The following PCDHGB5 variants were observed in gnomAD, a reference collection of about 807,000 sequenced individuals.
PCDHGB5 encodes the protein protocadherin gamma subfamily B, 5, also known as protocadherin gamma-B5.
PCDHGB5 carries 48 observed loss-of-function variants against 62.9 expected under a neutral mutation model. That is an observed-to-expected ratio of 0.76 (90% CI 0.61 to 0.97). PCDHGB5 has a LOEUF of 0.97. PCDHGB5 is among the 50% of genes least tolerant of loss of function. The pLI, the probability that PCDHGB5 is intolerant of heterozygous loss-of-function variation, is 0.00. For synonymous variants in PCDHGB5, 474 were observed against 511.2 expected, an observed-to-expected ratio of 0.93 and a Z score of 0.98; for missense variants, 1,118 against 1,198.6, an observed-to-expected ratio of 0.93 and a Z score of 0.99.
At chr5:141,401,255 T>C (rs56773894) in intron 1 of PCDHGB5, among the ~76,000 whole-genome samples, 18,026 of 152,078 alleles carry the variant, frequency 0.12, 1,226 homozygotes, top group African/African-American at 0.18. Flanking sequence ...GACAGGAGAA[T>C]TGCTTGAACC....
At chr5:141,456,599 A>T (rs2098870253) in intron 1 of PCDHGB5, among the ~76,000 whole-genome samples, 1 of 152,174 alleles carries the variant, frequency 6.6e-6, no homozygotes, top group African/African-American at 2.4e-5. Flanking sequence ...TTTTGATTTG[A>T]TTTTTAAGTC....
At chr5:141,497,956 C>T (rs2099780659) in intron 2 of PCDHGB5, among the ~76,000 whole-genome samples, 1 of 152,214 alleles carries the variant, frequency 6.6e-6, no homozygotes, top group African/African-American at 2.4e-5. Flanking sequence ...TTCTGTTGGC[C>T]AGGCAGTGTT....
rs138463062 is a variant in PCDHGB5 at position 141,485,217 on chromosome 5, C to G, written c.2398-9590C>G. 6.8e-6 allele frequency: 11 copies of G among 1,613,996 alleles called. No individual in the cohort carries two copies. Among genetic ancestry groups the G allele is most frequent in the Non-Finnish European group, 9.3e-6 (11 of 1,179,978 alleles). ...AGCTGGACAGAAATCTGGCGGTGGGCTACCCTTTTGTTCCTCTTTTACCAC... is the reference window on the plus strand; with the variant it reads ...AGCTGGACAGAAATCTGGCGGTGGGGTACCCTTTTGTTCCTCTTTTACCAC... On this transcript the variant is annotated intron_variant, in intron 1 of 3. Coordinates refer to ENST00000617380, the MANE Select transcript of PCDHGB5 (RefSeq NM_018925.3). This position sits in a 1 kb window ranked among gnomAD's most constrained non-coding sequence, Gnocchi z 5.7.
Position 141,399,999 on chromosome 5 carries a change from A to G in PCDHGB5, c.1872A>G (p.Thr624=), listed in dbSNP as rs1589395014. Residue 624 remains threonine, a synonymous_variant, in exon 1 of 4, where the codon ACA becomes ACG. Coordinates refer to ENST00000617380, the MANE Select transcript of PCDHGB5 (RefSeq NM_018925.3). ...GGCTGCGCACAGGAGAGGTGCGCAC[A>G]GCGCGTGCCTTGGGCGACAGGGACG... ...SLGLRTGEVR[T]ARALGDRDAA... 6.2e-7 allele frequency: 1 copy of G among 1,612,302 alleles called. No individual in the cohort carries two copies.
chr5:141,490,423 T>C lies in PCDHGB5; in HGVS notation c.2398-4384T>C. ...CCTTGATATCTCTCCGGACCTGCCATTTCAGATTAAGCCTTCTGAGAACCA... is the reference window on the plus strand; with the variant it reads ...CCTTGATATCTCTCCGGACCTGCCACTTCAGATTAAGCCTTCTGAGAACCA... On this transcript the variant is annotated intron_variant, in intron 1 of 3. Coordinates refer to ENST00000617380, the MANE Select transcript of PCDHGB5 (RefSeq NM_018925.3). This position sits in a 1 kb window ranked among gnomAD's most constrained non-coding sequence, Gnocchi z 5.4. 6.2e-7 allele frequency: 1 copy of C among 1,614,172 alleles called. No individual in the cohort carries two copies. The highest frequency in any genetic ancestry group is 8.5e-7 in the Non-Finnish European group (1 of 1,180,028).
rs57426385 is a variant in PCDHGB5, at chr5:141,415,740, G to GTTTTTTTTTTTTT, written c.2397+15236_2397+15248dup. ...TGAGTAGAATTTGATGTTTATTAAGGTTTTTTTTTTTTTTTTTTTTTTTTT... is the reference window on the plus strand; with the variant it reads ...TGAGTAGAATTTGATGTTTATTAAGGTTTTTTTTTTTTTTTTTTTTTTTTTTTTTTTTTTTTTT... On this transcript the variant is annotated intron_variant, in intron 1 of 3. Coordinates refer to ENST00000617380, the MANE Select transcript of PCDHGB5 (RefSeq NM_018925.3). The GTTTTTTTTTTTTT allele has an allele frequency of 2.5e-4, 159 of 625,022 alleles. 3 individuals carry two copies. Among genetic ancestry groups the GTTTTTTTTTTTTT allele is most frequent in the Admixed American group, 5.7e-4 (8 of 14,124 alleles). 38.7% of individuals were successfully genotyped at this position (625,022 alleles called of 1,614,324 possible).
chr5:141,408,801 T>C, intron 1 of PCDHGB5: 1 of 1,613,142 alleles, frequency 6.2e-7, no homozygotes, highest in Admixed American at 1.7e-5. Context: ...GAGAAACTCC[T>C]AGACCGGGAA....
At chr5:141,452,016 A>G (rs988436326) in intron 1 of PCDHGB5, among the ~76,000 whole-genome samples, 5 of 152,084 alleles carry the variant, frequency 3.3e-5, no homozygotes, top group Non-Finnish European at 5.9e-5. Flanking sequence ...TCCAGCCCAC[A>G]CTCTGGGGAG....
chr5:141,466,669 C>T lies in PCDHGB5; in HGVS notation c.2398-28138C>T, dbSNP rs529252130. The stretch of plus-strand genomic sequence containing the variant: ...TTTCACAAAACATCAGTGATTTCAC[C>T]GTTCTTCCACTCAAGCTTCATCATA... On this transcript the variant is annotated intron_variant, in intron 1 of 3. Transcript: ENST00000617380. Among the ~76,000 whole-genome samples the T allele has an allele frequency of 8.5e-5, 13 of 152,278 alleles. No homozygotes were observed. The East Asian group carries it at 9.6e-4, about 11-fold the overall frequency.
intron 1 of PCDHGB5, chr5:141,411,305 C>T (rs1317785609): frequency 6.6e-6 from 1 of 152,176 alleles, no homozygotes; most frequent in Non-Finnish European, 1.5e-5. Context: ...CCCAGTGGCT[C>T]ACACCTATAA....
chr5:141,499,029 A>AAGGAAGGAAGGAAGGAAGG (rs1562187768), intron 2 of PCDHGB5, among the ~76,000 whole-genome samples: 3 of 140,076 alleles, frequency 2.1e-5, no homozygotes, highest in African/African-American at 8.3e-5. Flanking sequence ...AGGAAGGAAG[A>AAGGAAGGAAGGAAGGAAGG]AAAGAAAGAA....
intron 1 of PCDHGB5, chr5:141,410,562 C>A (rs748563687): frequency 1.9e-6 from 3 of 1,612,718 alleles, no homozygotes; most frequent in Non-Finnish European, 2.5e-6. Context: ...TCTCCTGGAG[C>A]CTTAATTCCA....
At chr5:141,427,400 A>T in intron 1 of PCDHGB5, 1 of 461,200 alleles carries the variant, frequency 2.2e-6, no homozygotes, top group Non-Finnish European at 4.3e-6. Context: ...CACATGATAA[A>T]GATTCGAGAG....
intron 1 of PCDHGB5, among the ~76,000 whole-genome samples, chr5:141,474,511 C>T (rs2099350824): frequency 6.6e-6 from 1 of 152,202 alleles, no homozygotes; most frequent in Non-Finnish European, 1.5e-5. Context: ...TATCAGCCCT[C>T]TTGCTGGTCT....
At chr5:141,427,461 G>A (rs1397917549) in intron 1 of PCDHGB5, 1 of 497,998 alleles carries the variant, frequency 2.0e-6, no homozygotes, top group Admixed American at 2.3e-5. Context: ...TTTTAGAATC[G>A]AATCTTCCGC....
chr5:141,452,748 A>G (rs2098748275), intron 1 of PCDHGB5, among the ~76,000 whole-genome samples: 1 of 152,058 alleles, frequency 6.6e-6, no homozygotes, highest in Admixed American at 6.6e-5. Flanking sequence ...GAGAGAAGGA[A>G]GAAGGAAGGG....
chr5:141,485,687 C>T lies in PCDHGB5; in HGVS notation c.2398-9120C>T. 1 of 1,614,066 alleles carries T rather than the reference C, an allele frequency of 6.2e-7. No individual in the cohort carries two copies. Among genetic ancestry groups the T allele is most frequent in the Non-Finnish European group, 8.5e-7 (1 of 1,179,966 alleles). ...GAGCAATTCGATTAGCAGCTATAGG[C>T]TGAGCTCCAATGAACACTTTGCACT... On this transcript the variant is annotated intron_variant, in intron 1 of 3. Transcript: ENST00000617380. The surrounding 1 kb of genome is among the most constrained non-coding windows in gnomAD (Gnocchi z 5.7).
rs556217163 is a variant in PCDHGB5, at chr5:141,433,697, C to T, written c.2397+33173C>T. Among the ~76,000 whole-genome samples the T allele has an allele frequency of 6.0e-4, 91 of 152,138 alleles. 1 individual carries two copies. Among genetic ancestry groups the T allele is most frequent in the African/African-American group, 2.0e-3 (85 of 41,536 alleles). ...CTAAAAAAATACAAAATTAGCCGGGCGTGGTGGTGCATGTCTGTAATCCCA... is the reference window on the plus strand; with the variant it reads ...CTAAAAAAATACAAAATTAGCCGGGTGTGGTGGTGCATGTCTGTAATCCCA... On this transcript the variant is annotated intron_variant, in intron 1 of 3. Coordinates refer to ENST00000617380, the MANE Select transcript of PCDHGB5 (RefSeq NM_018925.3).
chr5:141,401,106 G>A (rs1259844433), intron 1 of PCDHGB5, among the ~76,000 whole-genome samples: 5 of 152,208 alleles, frequency 3.3e-5, no homozygotes, highest in African/African-American at 9.6e-5. Context: ...CACTTTGGGA[G>A]GCCGAGGCGG....
Sources: gnomAD v4.1 joint callset for allele counts (sites outside exome capture counted in the v4.1 genomes callset) on GRCh38, gnomAD v4.1.1 for gene constraint, Gnocchi (gnomAD v3.1) non-coding constraint, MANE v1.5 for transcripts, NCBI Gene and HGNC (gene_info 2026-07-23, HGNC 2026-07-21) for gene names.